Variants in RBM20 observed in about 807,000 individuals in gnomAD.
RBM20 encodes the protein RNA binding motif protein 20, also known as RNA-binding protein 20.
In RBM20, 51 loss-of-function variants were observed where a neutral mutation model predicts 110.1. The ratio of observed to expected loss-of-function variants is 0.46; its 90% CI spans 0.37 to 0.59. The LOEUF is 0.59. Ranked by LOEUF, RBM20 falls within the 20% of genes least tolerant of loss-of-function variation. RBM20 has a pLI of 0.00. For synonymous variants in RBM20, 589 were observed against 618.2 expected, an observed-to-expected ratio of 0.95 and a Z score of 0.70; for missense variants, 1,512 against 1,574.9, an observed-to-expected ratio of 0.96 and a Z score of 0.68.
At chr10:110,752,363 A>G (rs1843864707) in intron 1 of RBM20, among the ~76,000 whole-genome samples, 1 of 152,162 alleles carries the variant, frequency 6.6e-6, no homozygotes, top group African/African-American at 2.4e-5. Flanking sequence ...ATGTGTTTTC[A>G]TGACTTGATA....
intron 1 of RBM20, among the ~76,000 whole-genome samples, chr10:110,777,493 T>C (rs1844281284): frequency 6.6e-6 from 1 of 152,244 alleles, no homozygotes; most frequent in African/African-American, 2.4e-5. Context: ...TGATGATTCA[T>C]GTGAAATCAC....
intron 12 of RBM20, among the ~76,000 whole-genome samples, chr10:110,825,728 T>C (rs564582439): frequency 6.6e-6 from 1 of 152,352 alleles, no homozygotes; most frequent in East Asian, 1.9e-4. Context: ...CTGTCTGCTC[T>C]TTTTCCCATT....
chr10:110,677,990 A>G (rs1254301958), intron 1 of RBM20, among the ~76,000 whole-genome samples: 2 of 152,212 alleles, frequency 1.3e-5, no homozygotes, highest in East Asian at 1.9e-4. Context: ...ATTATGTGCT[A>G]GGTGCTGTCT....
chr10:110,710,913 C>A (rs1862916901), intron 1 of RBM20, among the ~76,000 whole-genome samples: 1 of 152,110 alleles, frequency 6.6e-6, no homozygotes, highest in African/African-American at 2.4e-5. Context: ...GCTTGGGGAA[C>A]CAGAAGGCTC....
At chr10:110,659,378 G>A (rs1003006780) in intron 1 of RBM20, among the ~76,000 whole-genome samples, 8 of 152,224 alleles carry the variant, frequency 5.3e-5, no homozygotes, top group Non-Finnish European at 1.0e-4. Context: ...ATGGGTTAAA[G>A]GGGGACCAGG....
chr10:110,706,493 A>G (rs754686899), intron 1 of RBM20, among the ~76,000 whole-genome samples: 9 of 152,232 alleles, frequency 5.9e-5, no homozygotes, highest in Non-Finnish European at 1.2e-4. Flanking sequence ...TCCGCCAGGA[A>G]ATGCAACGGT....
At chr10:110,703,349 G>A (rs1353420668) in intron 1 of RBM20, among the ~76,000 whole-genome samples, 1 of 151,022 alleles carries the variant, frequency 6.6e-6, no homozygotes, top group Non-Finnish European at 1.5e-5. Context: ...TTGCACTCTA[G>A]CCTGGACAAC....
chr10:110,692,631 T>C (rs911573518), intron 1 of RBM20, among the ~76,000 whole-genome samples: 11 of 103,202 alleles, frequency 1.1e-4, no homozygotes, highest in African/African-American at 3.4e-4. Context: ...CTATAACCAT[T>C]GTGTGTGTGT....
At chr10:110,677,319 T>C (rs1862352982) in intron 1 of RBM20, among the ~76,000 whole-genome samples, 2 of 73,778 alleles carry the variant, frequency 2.7e-5, no homozygotes, top group South Asian at 9.9e-4. Context: ...TCTTTTTTTC[T>C]TTTTTCTTTT....
intron 1 of RBM20, among the ~76,000 whole-genome samples, chr10:110,655,724 G>T (rs961270753): frequency 1.3e-5 from 2 of 152,174 alleles, no homozygotes; most frequent in African/African-American, 4.8e-5. Context: ...AGAAACCATG[G>T]TCTGTAACAA....
chr10:110,672,660 C>A (rs1862279713), intron 1 of RBM20, among the ~76,000 whole-genome samples: 1 of 152,234 alleles, frequency 6.6e-6, no homozygotes, highest in South Asian at 2.1e-4. Flanking sequence ...GTGGGCACAG[C>A]GGTCCCCGGT....
chr10:110,740,229 G>A (rs1843711293), intron 1 of RBM20, among the ~76,000 whole-genome samples: 1 of 152,222 alleles, frequency 6.6e-6, no homozygotes, highest in Non-Finnish European at 1.5e-5. Flanking sequence ...GTGGCTGTGG[G>A]TTGAGGTGGA....
chr10:110,704,637 G>A (rs1862809304), intron 1 of RBM20, among the ~76,000 whole-genome samples: 1 of 152,232 alleles, frequency 6.6e-6, no homozygotes, highest in Non-Finnish European at 1.5e-5. Flanking sequence ...AGGAAAGGGA[G>A]AGGAGGGGAT....
chr10:110,831,682 A>C lies in RBM20; in HGVS notation c.3573+500A>C, dbSNP rs4918602. Among the ~76,000 whole-genome samples the C allele has an allele frequency of 3.6e-4, 49 of 136,496 alleles. No homozygotes were observed. The South Asian group carries it at 4.7e-3, about 13-fold the overall frequency. 89.5% of individuals were successfully genotyped at this position (136,496 alleles called of 152,430 possible). Reference sequence around the variant, plus strand: ...TTGCTAGAATAAAAAAAAAAAAAAAAAAAAAAAAACACTGCTTTGTTCTTT... The same window carrying C: ...TTGCTAGAATAAAAAAAAAAAAAAACAAAAAAAAACACTGCTTTGTTCTTT... On this transcript the variant is annotated intron_variant, in intron 13 of 13. Coordinates refer to ENST00000369519, the MANE Select transcript of RBM20 (RefSeq NM_001134363.3).
intron 1 of RBM20, among the ~76,000 whole-genome samples, chr10:110,704,481 TA>T (rs959730857): frequency 1.3e-5 from 2 of 152,244 alleles, no homozygotes; most frequent in African/African-American, 4.8e-5. Context: ...TTAATAATTA[TA>T]AAAAACACTT....
intron 7 of RBM20, among the ~76,000 whole-genome samples, chr10:110,809,986 T>G (rs1403922587): frequency 6.6e-6 from 1 of 152,222 alleles, no homozygotes; most frequent in Non-Finnish European, 1.5e-5. Flanking sequence ...CAGTCAATGA[T>G]CTTCAAGTCT....
intron 5 of RBM20, among the ~76,000 whole-genome samples, chr10:110,794,258 T>C (rs1215717973): frequency 6.6e-6 from 1 of 152,228 alleles, no homozygotes; most frequent in East Asian, 1.9e-4. Context: ...TGAACCTAAA[T>C]GGAGTTCAAC....
intron 13 of RBM20, 179 bp downstream of exon 13, chr10:110,831,361 T>C (rs1222038483): frequency 6.8e-6 from 4 of 587,958 alleles, no homozygotes; most frequent in Non-Finnish European, 1.2e-5. Flanking sequence ...TCTGCTTCTG[T>C]GTCTGTCTCC....
chr10:110,676,510 A>G (rs1037016223), intron 1 of RBM20, among the ~76,000 whole-genome samples: 3 of 152,268 alleles, frequency 2.0e-5, no homozygotes, highest in Non-Finnish European at 4.4e-5. Flanking sequence ...CTCAGAATTT[A>G]TGGGGCAACA....
Sources: allele counts gnomAD v4.1 joint callset (sites outside exome capture counted in the v4.1 genomes callset), GRCh38; gene constraint gnomAD v4.1.1; transcripts MANE v1.5; gene names NCBI Gene and HGNC (gene_info 2026-07-23, HGNC 2026-07-21).